Variants in CHCHD3 observed in about 807,000 individuals in gnomAD.
CHCHD3 encodes the protein MICOS complex subunit MIC19.
In CHCHD3, 20 loss-of-function variants were observed where a neutral mutation model predicts 38.2. The ratio of observed to expected loss-of-function variants is 0.52; its 90% confidence interval spans 0.37 to 0.76. The LOEUF (loss-of-function observed/expected upper bound fraction) is 0.76. CHCHD3 is among the 30% of genes least tolerant of loss of function. The pLI, the probability that CHCHD3 is intolerant of heterozygous loss-of-function variation, is 0.00. For missense variants in CHCHD3, 245 were observed against 279.2 expected (o/e 0.88, Z 0.87); for synonymous variants, 82 against 100.0 (o/e 0.82, Z 1.07).
At chr7:133,011,471 A>AT (rs1480875244) in intron 3 of CHCHD3, among the ~76,000 whole-genome samples, 1 of 152,200 alleles carries the variant, frequency 6.6e-6, no homozygotes, top group Non-Finnish European at 1.5e-5. Context: ...GAACTGAACA[A>AT]TTCTTTGTTG....
At chr7:132,807,930 T>A (rs992699066) in intron 6 of CHCHD3, among the ~76,000 whole-genome samples, 1 of 152,044 alleles carries the variant, frequency 6.6e-6, no homozygotes, top group Non-Finnish European at 1.5e-5. Context: ...CTTTTCCCTC[T>A]AGATGCCTGG....
chr7:132,972,540 T>C (rs967641622), intron 4 of CHCHD3: 2 of 951,216 alleles, frequency 2.1e-6, no homozygotes, highest in African/African-American at 3.5e-5. Context: ...TGAATATGTA[T>C]GTCTTCCATA....
intron 5 of CHCHD3, among the ~76,000 whole-genome samples, chr7:132,849,797 T>G (rs1355685798): frequency 6.6e-6 from 1 of 152,182 alleles, no homozygotes; most frequent in Non-Finnish European, 1.5e-5. Flanking sequence ...GCCTGCAATG[T>G]TGATGTGATG....
intron 4 of CHCHD3, among the ~76,000 whole-genome samples, chr7:132,910,140 G>A (rs1205676595): frequency 1.3e-5 from 2 of 152,154 alleles, no homozygotes; most frequent in African/African-American, 4.8e-5. Context: ...GCCAACTGTG[G>A]GACTTAAATA....
chr7:133,059,869 C>T (rs140779365), intron 2 of CHCHD3, among the ~76,000 whole-genome samples: 1 of 152,326 alleles, frequency 6.6e-6, no homozygotes, highest in African/African-American at 2.4e-5. Flanking sequence ...CTCACGCATT[C>T]CACAAACATT....
At chr7:133,030,183 G>T (rs969112831) in intron 2 of CHCHD3, among the ~76,000 whole-genome samples, 1 of 152,142 alleles carries the variant, frequency 6.6e-6, no homozygotes, top group South Asian at 2.1e-4. Context: ...AAATAAACCA[G>T]TGAGGTAATG....
intron 4 of CHCHD3, among the ~76,000 whole-genome samples, chr7:132,971,683 G>T (rs1300747115): frequency 2.0e-5 from 3 of 148,758 alleles, no homozygotes; most frequent in Middle Eastern, 3.2e-3. Context: ...CATCACATCA[G>T]CTCCCGTGCT....
intron 6 of CHCHD3, among the ~76,000 whole-genome samples, chr7:132,816,556 A>G (rs1446610731): frequency 6.6e-6 from 1 of 152,142 alleles, no homozygotes; most frequent in Non-Finnish European, 1.5e-5. Flanking sequence ...TAATGACACC[A>G]TCTCACATCC....
chr7:132,894,671 ACACT>A (rs1203260197), intron 4 of CHCHD3, among the ~76,000 whole-genome samples: 3 of 152,208 alleles, frequency 2.0e-5, no homozygotes, highest in African/African-American at 7.2e-5. Flanking sequence ...CCACAAGGAA[ACACT>A]CAGTACACAG....
intron 4 of CHCHD3, among the ~76,000 whole-genome samples, chr7:132,915,509 C>A (rs1016780014): frequency 6.6e-6 from 1 of 152,158 alleles, no homozygotes; most frequent in Admixed American, 6.5e-5. Flanking sequence ...TTTCCACTCT[C>A]TTGTATCTTT....
rs76282418 is a variant in CHCHD3, at chr7:132,837,618, C to G, written c.524+781G>C. Among the ~76,000 whole-genome samples, 549 of 152,290 alleles carry G rather than the reference C, an allele frequency of 3.6e-3. 2 individuals are homozygous for G. The highest frequency in any genetic ancestry group is 0.012 in the African/African-American group (503 of 41,564). On this transcript the variant is annotated intron_variant, in intron 6 of 7. Transcript: ENST00000262570. ...CCACCTTAGGGTTTAATCATTTTATCAAATGCTTGTAAACATGTGCAAGGA... is the reference window on the plus strand; with the variant it reads ...CCACCTTAGGGTTTAATCATTTTATGAAATGCTTGTAAACATGTGCAAGGA...
intron 3 of CHCHD3, among the ~76,000 whole-genome samples, chr7:133,007,291 A>G (rs1013385634): frequency 1.3e-5 from 2 of 152,172 alleles, no homozygotes; most frequent in Non-Finnish European, 2.9e-5. Flanking sequence ...GACCTAGGAG[A>G]GACCCACTTG....
Position 132,838,421 on chromosome 7 carries a change from C to T in CHCHD3, c.502G>A (p.Glu168Lys). ...VTTEQYQKAA[E>K]EVEAKFKRYE... ...TACTTGAACTTTGCTTCCACCTCTT[C>T]AGCAGCTTTCTGATATTGTTCAGTG... Residue 168 changes from glutamate (E) to lysine (K), a missense_variant, in exon 6 of 8, where the codon GAA (glutamate) becomes AAA (lysine). Transcript: ENST00000262570. The T allele has an allele frequency of 1.2e-6, 2 of 1,612,284 alleles. No homozygotes were observed. Among genetic ancestry groups the T allele is most frequent in the African/African-American group, 1.3e-5 (1 of 75,000 alleles).
intron 1 of CHCHD3, among the ~76,000 whole-genome samples, chr7:133,075,150 CT>C (rs938295665): frequency 1.4e-4 from 22 of 152,188 alleles, no homozygotes; most frequent in Non-Finnish European, 8.8e-5. Context: ...TTCTTGTTAA[CT>C]TTTTTTTCTT....
chr7:133,045,517 A>G (rs1813959172), intron 2 of CHCHD3, among the ~76,000 whole-genome samples: 1 of 152,230 alleles, frequency 6.6e-6, no homozygotes, highest in Non-Finnish European at 1.5e-5. Context: ...AGAAAATAAC[A>G]AACTTCAATA....
intron 1 of CHCHD3, among the ~76,000 whole-genome samples, chr7:133,075,107 G>C (rs1202565362): frequency 6.6e-6 from 1 of 152,150 alleles, no homozygotes; most frequent in Non-Finnish European, 1.5e-5. Flanking sequence ...TAGGTAGTAG[G>C]AGTAGAATGT....
chr7:132,812,918 C>T lies in CHCHD3; in HGVS notation c.525-16341G>A, dbSNP rs188754723. Among the ~76,000 whole-genome samples, 323 of 152,332 alleles carry T rather than the reference C, an allele frequency of 2.1e-3. 1 individual carries two copies. Among genetic ancestry groups the T allele is most frequent in the Non-Finnish European group, 3.9e-3 (265 of 68,030 alleles). On this transcript the variant is annotated intron_variant, in intron 6 of 7. Transcript: ENST00000262570. Reference sequence around the variant, plus strand: ...AACATGCATTGGCCCTGCTGCCCTTCCCCTAATGCCTACTATTTTAGCCTT... The same window carrying T: ...AACATGCATTGGCCCTGCTGCCCTTTCCCTAATGCCTACTATTTTAGCCTT...
chr7:133,000,450 A>G (rs1366491400), intron 3 of CHCHD3, among the ~76,000 whole-genome samples: 1 of 152,198 alleles, frequency 6.6e-6, no homozygotes, highest in East Asian at 1.9e-4. Flanking sequence ...ATTATTCTAT[A>G]ATCTACAACG....
In CHCHD3 at chr7:132,997,782, CAA is replaced by C. The variant is rs569377160; in HGVS notation, c.252-22498_252-22497del. 2.4e-3 allele frequency among the ~76,000 whole-genome samples: 359 copies of C among 149,366 alleles called. 1 individual carries two copies. The highest frequency in any genetic ancestry group is 4.0e-3 in the Non-Finnish European group (267 of 67,580). ...TCACTCTCTTACACTCTGCGAATAT[CAA>C]AAGTTTCCCAGTTACTCTATGGTTC... On this transcript the variant is annotated intron_variant, in intron 3 of 7. Transcript: ENST00000262570.
Sources: gnomAD v4.1 joint callset for allele counts (sites outside exome capture counted in the v4.1 genomes callset) on GRCh38, gnomAD v4.1.1 for gene constraint, MANE v1.5 for transcripts, NCBI Gene and HGNC (gene_info 2026-07-23, HGNC 2026-07-21) for gene names.